PPP1R21: variants seen among roughly 807,000 people sequenced by gnomAD.
PPP1R21 encodes KLRAQ motif containing 1.
Under a neutral mutation model 112.8 loss-of-function variants are expected in PPP1R21, and 85 were observed. The ratio of observed to expected loss-of-function variants is 0.75; its 90% CI spans 0.63 to 0.90. PPP1R21 has a LOEUF of 0.90. Among genes scored for constraint, PPP1R21 ranks in the 40% least tolerant of loss-of-function variants. The pLI is 0.00. For missense variants in PPP1R21, 1,199 were observed against 901.5 expected (o/e 1.33, Z -4.23); for synonymous variants, 381 against 322.3 (o/e 1.18, Z -1.95).
chr2:48,469,204 A>C (rs975973159), intron 9 of PPP1R21, among the ~76,000 whole-genome samples: 1 of 149,808 alleles, frequency 6.7e-6, no homozygotes, highest in Non-Finnish European at 1.5e-5. Context: ...TCTGGGAGAT[A>C]CAATTCAGGC....
chr2:48,511,374 A>G lies in PPP1R21; in HGVS notation c.2219A>G (p.Asp740Gly). Residue 740 changes from aspartate to glycine, a missense_variant, in exon 21 of 22, where the codon GAT becomes GGT. Asp to Gly is a moderately conservative substitution (Grantham distance 94, BLOSUM62 -1). Coordinates refer to ENST00000294952, the MANE Select transcript of PPP1R21 (RefSeq NM_001135629.3). ...ACAACTACCAAGAGGAGTTACGAGG[A>G]TCAGTTAAGTATGATGAGTGACCAC... ...ELTTTKRSYE[D>G]QLSMMSDHLC... 6.2e-7 allele frequency: 1 copy of G among 1,613,930 alleles called. No homozygotes were observed. Among genetic ancestry groups the G allele is most frequent in the Non-Finnish European group, 8.5e-7 (1 of 1,179,992 alleles).
At chr2:48,450,031 A>C (rs76329609) in intron 1 of PPP1R21, among the ~76,000 whole-genome samples, 11,429 of 152,282 alleles carry the variant, frequency 0.075, 606 homozygotes, top group Non-Finnish European at 0.12. Context: ...GTAAAAATGC[A>C]TTTAGCTGCA....
At chr2:48,458,867 C>T (rs949922218) in intron 4 of PPP1R21, among the ~76,000 whole-genome samples, 7 of 151,868 alleles carry the variant, frequency 4.6e-5, no homozygotes, top group African/African-American at 9.7e-5. Context: ...CCAAGGTGGG[C>T]GGATCACGAG....
chr2:48,481,520 G>A lies in PPP1R21; in HGVS notation c.1318+1504G>A, dbSNP rs879252625. Among the ~76,000 whole-genome samples the A allele has an allele frequency of 4.6e-5, 7 of 152,146 alleles. 1 individual carries two copies. The highest frequency in any genetic ancestry group is 4.6e-4 in the Admixed American group (7 of 15,278). On this transcript the variant is annotated intron_variant, in intron 13 of 21. Coordinates refer to ENST00000294952, the MANE Select transcript of PPP1R21 (RefSeq NM_001135629.3). ...CCTCTCTTCCAGAACTTTACTTAAC[G>A]TAGAACCAGTTTGAAACCACAAGTA...
chr2:48,469,982 C>T (rs983791432), intron 9 of PPP1R21, among the ~76,000 whole-genome samples: 2 of 152,034 alleles, frequency 1.3e-5, no homozygotes, highest in Non-Finnish European at 2.9e-5. Flanking sequence ...GGCCATGTGT[C>T]TGTGTAGTTT....
intron 19 of PPP1R21, among the ~76,000 whole-genome samples, chr2:48,507,808 C>T (rs1439730644): frequency 3.0e-5 from 3 of 99,940 alleles, no homozygotes; most frequent in South Asian, 7.4e-4. Flanking sequence ...CTATGTTGCT[C>T]AGGCTACAGT....
chr2:48,455,225 C>A (rs1406813289), intron 3 of PPP1R21, among the ~76,000 whole-genome samples: 1 of 146,810 alleles, frequency 6.8e-6, no homozygotes, highest in African/African-American at 2.5e-5. Flanking sequence ...TAGCTCACCA[C>A]AACCTCTGCC....
At chr2:48,450,527 T>A (rs947388196) in intron 1 of PPP1R21, among the ~76,000 whole-genome samples, 1 of 152,252 alleles carries the variant, frequency 6.6e-6, no homozygotes, top group African/African-American at 2.4e-5. Context: ...TGTCTAATAT[T>A]AGGCACAGTG....
chr2:48,450,963 A>T, intron 1 of PPP1R21, 45 bp from the exon 2 acceptor site: 1 of 1,518,546 alleles, frequency 6.6e-7, no homozygotes, highest in East Asian at 2.3e-5. Flanking sequence ...TGATATAACC[A>T]ATTGCTTTAT....
chr2:48,488,657 T>G (rs1200505368), intron 14 of PPP1R21, among the ~76,000 whole-genome samples: 2 of 152,206 alleles, frequency 1.3e-5, no homozygotes, highest in Non-Finnish European at 2.9e-5. Flanking sequence ...AGCTTTACTT[T>G]GCCTGAAACC....
chr2:48,472,026 A>G (rs111416091), intron 11 of PPP1R21, among the ~76,000 whole-genome samples: 33,990 of 150,682 alleles, frequency 0.23, 4,102 homozygotes, highest in Non-Finnish European at 0.26. Context: ...GATCACTTGA[A>G]GTCAGGAGTT....
chr2:48,502,172 A>G (rs1490861225), intron 17 of PPP1R21: 1 of 152,186 alleles, frequency 6.6e-6, no homozygotes, highest in East Asian at 1.9e-4. Flanking sequence ...TTAGTACTGA[A>G]CACTATTGGG....
chr2:48,460,145 G>A lies in PPP1R21; in HGVS notation c.591G>A (p.Thr197=), dbSNP rs115819762. The A allele has an allele frequency of 3.2e-5, 51 of 1,614,064 alleles. No homozygotes were observed. In the African/African-American group the frequency reaches 4.8e-4, roughly 15 times the overall value. ...EKEAKECRLR[T]EECQLQLKTL... is the part of the protein sequence containing the mutation. ...AAGCCAAGGAATGTCGACTTCGAAC[G>A]GAAGAATGGTATGTGGAAACTTGAA... The change falls in exon 6 of 22, where the codon ACG becomes ACA. Residue 197 remains threonine (T), a synonymous_variant. Coordinates refer to ENST00000294952, the MANE Select transcript of PPP1R21 (RefSeq NM_001135629.3).
chr2:48,506,724 T>C (rs997353693), intron 18 of PPP1R21, among the ~76,000 whole-genome samples: 6 of 152,018 alleles, frequency 3.9e-5, no homozygotes, highest in African/African-American at 1.4e-4. Context: ...GGCAGGCGGA[T>C]CACAAGGTCA....
At chr2:48,514,628 T>A (rs1670792120) in intron 21 of PPP1R21, 87 bp from the exon 22 acceptor site, 4 of 959,550 alleles carry the variant, frequency 4.2e-6, no homozygotes, top group Non-Finnish European at 6.7e-6. Flanking sequence ...AAGTGAAATA[T>A]GGCTTTCAGA....
chr2:48,465,408 T>C lies in PPP1R21; in HGVS notation c.748-85T>C, dbSNP rs555706951. 4.1e-5 allele frequency: 50 copies of C among 1,225,450 alleles called. No individual in the cohort carries two copies. The East Asian group carries it at 4.8e-4, about 12-fold the overall frequency. The allele number at this position is 1,225,450 out of a possible 1,614,324, so 75.9% of individuals were successfully genotyped here. ...AGGAATAATCACACTAGGATTCAAA[T>C]GTTTTCTCCAGATCAGACTCAATAA... On this transcript the variant is annotated intron_variant, in intron 8 of 21. Transcript: ENST00000294952.
At chr2:48,514,117 C>T (rs959949935) in intron 21 of PPP1R21, among the ~76,000 whole-genome samples, 2 of 132,166 alleles carry the variant, frequency 1.5e-5, no homozygotes, top group Non-Finnish European at 3.1e-5. Flanking sequence ...CTTGTTGCTC[C>T]ATCTCCCGGG....
At chr2:48,490,569 G>GA (rs1284555728) in intron 14 of PPP1R21, among the ~76,000 whole-genome samples, 9 of 152,150 alleles carry the variant, frequency 5.9e-5, no homozygotes, top group Non-Finnish European at 8.8e-5. Flanking sequence ...GAGATTTATA[G>GA]AATTAAATTT....
At chr2:48,454,285 A>C (rs1240623497) in intron 2 of PPP1R21, among the ~76,000 whole-genome samples, 1 of 151,990 alleles carries the variant, frequency 6.6e-6, no homozygotes, top group Admixed American at 6.6e-5. Flanking sequence ...TAAATAAATA[A>C]ATAAATCAAA....
Sources: allele counts gnomAD v4.1 joint callset (sites outside exome capture counted in the v4.1 genomes callset), GRCh38; gene constraint gnomAD v4.1.1; transcripts MANE v1.5; gene names NCBI Gene and HGNC (gene_info 2026-07-23, HGNC 2026-07-21).